The following DCC variants were observed in gnomAD, a reference collection of about 807,000 sequenced individuals.
DCC encodes DCC netrin 1 receptor.
In DCC, 58 loss-of-function variants were observed where a neutral mutation model predicts 172.5. That is an observed-to-expected ratio of 0.34 (90% CI 0.27 to 0.42). The LOEUF (loss-of-function observed/expected upper bound fraction) is 0.42. DCC is among the 10% of genes least tolerant of loss of function. The pLI is 1.00. For synonymous variants in DCC, 709 were observed against 644.5 expected, an observed-to-expected ratio of 1.10 and a Z score of -1.52; for missense variants, 1,740 against 1,791.0, an observed-to-expected ratio of 0.97 and a Z score of 0.51.
chr18:52,482,754 G>A (rs906451589), intron 1 of DCC, among the ~76,000 whole-genome samples: 4 of 152,088 alleles, frequency 2.6e-5, no homozygotes, highest in African/African-American at 9.7e-5. Flanking sequence ...CAGCCTTCTT[G>A]AAGATTTATC....
intron 17 of DCC, 51 bp from the exon 18 acceptor site, chr18:53,397,257 C>A: frequency 6.5e-7 from 1 of 1,549,018 alleles, no homozygotes; most frequent in South Asian, 1.1e-5. Context: ...CTTGATTTAC[C>A]AAGTTGATAG....
intron 2 of DCC, among the ~76,000 whole-genome samples, chr18:52,888,651 C>T (rs542120545): frequency 6.6e-6 from 1 of 151,946 alleles, no homozygotes; most frequent in Non-Finnish European, 1.5e-5. Flanking sequence ...AAACATTTTT[C>T]TTAATTATGT....
chr18:52,615,193 G>T (rs143412387), intron 1 of DCC, among the ~76,000 whole-genome samples: 2 of 152,240 alleles, frequency 1.3e-5, no homozygotes, highest in Non-Finnish European at 2.9e-5. Context: ...CTTCAGAATG[G>T]AGTGTAACCC....
Position 52,923,640 on chromosome 18 carries a change from C to G in DCC, c.698-67C>G, listed in dbSNP as rs1205195195. The G allele has an allele frequency of 7.0e-6, 9 of 1,285,402 alleles. No homozygotes were observed. The African/African-American group carries it at 1.0e-4, about 15-fold the overall frequency. The allele number at this position is 1,285,402 out of a possible 1,614,324, so 79.6% of individuals were successfully genotyped here. A position where few individuals can be genotyped will look rare whatever the true frequency, so the allele number is the denominator to read the frequency against. The stretch of plus-strand genomic sequence containing the variant: ...TTCCATCTTTTGTTAGGAAAAAAAT[C>G]AAAATATATCATTTATCTTTGCAAT... On this transcript the variant is annotated intron_variant, in intron 3 of 28. Transcript: ENST00000442544.
intron 1 of DCC, among the ~76,000 whole-genome samples, chr18:52,682,733 C>CAGAT (rs922039414): frequency 6.6e-6 from 1 of 151,758 alleles, no homozygotes; most frequent in Non-Finnish European, 1.5e-5. Flanking sequence ...GAAAACAAAA[C>CAGAT]AGACAGAGTG....
chr18:52,649,492 T>C (rs1239331335), intron 1 of DCC, among the ~76,000 whole-genome samples: 1 of 151,292 alleles, frequency 6.6e-6, no homozygotes, highest in African/African-American at 2.5e-5. Context: ...GGCTATCTTG[T>C]ATAGTGGTGG....
intron 1 of DCC, among the ~76,000 whole-genome samples, chr18:52,635,274 C>G (rs1371599589): frequency 6.6e-6 from 1 of 152,204 alleles, no homozygotes; most frequent in Non-Finnish European, 1.5e-5. Context: ...AGCTTCACAA[C>G]AGTCCTTTGA....
intron 7 of DCC, among the ~76,000 whole-genome samples, chr18:53,079,255 T>C (rs1307329340): frequency 2.6e-5 from 4 of 152,064 alleles, no homozygotes; most frequent in African/African-American, 9.7e-5. Context: ...ATGAATTCCA[T>C]GTCCAATTTT....
intron 7 of DCC, among the ~76,000 whole-genome samples, chr18:53,089,984 T>A (rs2042979239): frequency 6.6e-6 from 1 of 152,216 alleles, no homozygotes. Context: ...ATCTAACATT[T>A]AAGCTTTGAG....
At chr18:53,377,126 G>C (rs531664569) in intron 15 of DCC, among the ~76,000 whole-genome samples, 272 of 152,212 alleles carry the variant, frequency 1.8e-3, no homozygotes, top group African/African-American at 5.9e-3. Context: ...TAACACAGAG[G>C]ATACAAGGCT....
intron 26 of DCC, among the ~76,000 whole-genome samples, chr18:53,497,489 A>T (rs1472384064): frequency 6.6e-6 from 1 of 152,232 alleles, no homozygotes; most frequent in Non-Finnish European, 1.5e-5. Flanking sequence ...CATCTCTTTC[A>T]GGCCAGTGCC....
chr18:53,181,527 G>A (rs1021240167), intron 9 of DCC, among the ~76,000 whole-genome samples: 2 of 149,372 alleles, frequency 1.3e-5, no homozygotes, highest in African/African-American at 4.9e-5. Context: ...TAAAAACTAT[G>A]ATAAAATGAT....
intron 2 of DCC, among the ~76,000 whole-genome samples, chr18:52,769,398 T>C (rs536541523): frequency 6.6e-6 from 1 of 152,230 alleles, no homozygotes; most frequent in African/African-American, 2.4e-5. Flanking sequence ...TATGTGCAGG[T>C]CTTTTACCTG....
At chr18:52,816,647 G>A (rs2038303712) in intron 2 of DCC, 1 of 152,134 alleles carries the variant, frequency 6.6e-6, no homozygotes. Flanking sequence ...GAAATGTGAG[G>A]CTGAGAAAGT....
chr18:52,816,741 C>G (rs2038306466), intron 2 of DCC: 1 of 152,162 alleles, frequency 6.6e-6, no homozygotes, highest in African/African-American at 2.4e-5. Flanking sequence ...GCCGATGCAG[C>G]TGTCCCCAGG....
chr18:52,362,980 C>T (rs866450895), intron 1 of DCC, among the ~76,000 whole-genome samples: 40 of 152,158 alleles, frequency 2.6e-4, no homozygotes, highest in African/African-American at 9.2e-4. Context: ...CTTACTGCAA[C>T]CTCTGCCTTC....
chr18:53,391,047 G>A (rs1379754513), intron 16 of DCC, among the ~76,000 whole-genome samples: 2 of 152,126 alleles, frequency 1.3e-5, no homozygotes, highest in African/African-American at 2.4e-5. Flanking sequence ...TGGTCACTCT[G>A]GTTTTGTGCA....
intron 2 of DCC, among the ~76,000 whole-genome samples, chr18:52,831,683 C>A (rs982995125): frequency 1.6e-4 from 25 of 152,086 alleles, no homozygotes; most frequent in African/African-American, 5.6e-4. Context: ...AAGAGTATAG[C>A]AAAAGAGGAT....
Position 53,499,484 on chromosome 18 carries a change from CTTACACACCACT to C in DCC, c.4088_4099del (p.Tyr1363_Leu1366del). Reference sequence around the variant, plus strand: ...ATGAGTGCAATAGAACCGAAAGTCCCTTACACACCACTTTTGTCTCAGCCAGGTAAAGTACTC... The same window carrying C: ...ATGAGTGCAATAGAACCGAAAGTCCCTTTGTCTCAGCCAGGTAAAGTACTC... On this transcript the variant is annotated inframe_deletion, in exon 27 of 29. Coordinates refer to ENST00000442544, the MANE Select transcript of DCC (RefSeq NM_005215.4). The C allele has an allele frequency of 6.2e-7, 1 of 1,614,118 alleles. No individual in the cohort carries two copies. The highest frequency in any genetic ancestry group is 8.5e-7 in the Non-Finnish European group (1 of 1,179,966).
Sources: allele counts gnomAD v4.1 joint callset (sites outside exome capture counted in the v4.1 genomes callset), GRCh38; gene constraint gnomAD v4.1.1; transcripts MANE v1.5; gene names NCBI Gene and HGNC (gene_info 2026-07-23, HGNC 2026-07-21).